Variants in PIBF1 observed in about 807,000 individuals in gnomAD.
PIBF1 encodes progesterone-induced-blocking factor 1.
A neutral mutation model predicts 112.5 loss-of-function variants in PIBF1; 90 were observed. The observed-to-expected ratio is 0.80, with a 90% CI of 0.67 to 0.95. The LOEUF (loss-of-function observed/expected upper bound fraction) is 0.95, where lower values mean the gene tolerates loss of function less well. Among genes scored for constraint, PIBF1 ranks in the 40% least tolerant of loss-of-function variants. The pLI is 0.00. For missense variants in PIBF1, 915 were observed against 852.3 expected (o/e 1.07, Z -0.92); for synonymous variants, 301 against 288.6 (o/e 1.04, Z -0.44).
chr13:72,833,126 T>C (rs1384727696), intron 8 of PIBF1, among the ~76,000 whole-genome samples: 1 of 152,204 alleles, frequency 6.6e-6, no homozygotes, highest in Non-Finnish European at 1.5e-5. Context: ...TCAGGTTATT[T>C]ATATTCTTCT....
In PIBF1 at chr13:72,947,418, G is replaced by C. The variant is rs147536031; in HGVS notation, c.1833+16151G>C. Among the ~76,000 whole-genome samples, 1,296 of 152,230 alleles carry C rather than the reference G, an allele frequency of 8.5e-3. 67 individuals carry two copies. Among genetic ancestry groups the C allele is most frequent in the East Asian group, 9.3e-3 (48 of 5,164 alleles). On this transcript the variant is annotated intron_variant, in intron 14 of 17. Transcript: ENST00000326291. ...AGGGCTCCAGGCCTGTGATTGGAGG[G>C]GCTGCTGTGAAGGTCTCTGACATAC...
At chr13:72,895,657 T>C (rs536225450) in intron 11 of PIBF1, among the ~76,000 whole-genome samples, 2 of 152,124 alleles carry the variant, frequency 1.3e-5, no homozygotes, top group East Asian at 3.9e-4. Context: ...GTGGGAAATC[T>C]CATGAGTTAG....
chr13:72,966,001 T>C (rs1212520053), intron 15 of PIBF1, among the ~76,000 whole-genome samples: 2 of 152,216 alleles, frequency 1.3e-5, no homozygotes, highest in South Asian at 2.1e-4. Context: ...AATGAAGATA[T>C]GTGTAAATGA....
intron 14 of PIBF1, among the ~76,000 whole-genome samples, chr13:72,960,070 T>TC (rs2042564119): frequency 6.6e-6 from 1 of 152,210 alleles, no homozygotes; most frequent in Non-Finnish European, 1.5e-5. Context: ...TGTACTTTTT[T>TC]CCTGACAAAT....
At chr13:72,903,602 TAATTA>T (rs2040582675) in intron 11 of PIBF1, among the ~76,000 whole-genome samples, 2 of 152,218 alleles carry the variant, frequency 1.3e-5, no homozygotes, top group Non-Finnish European at 2.9e-5. Flanking sequence ...TAGTTAATCT[TAATTA>T]AATTAAATCT....
At chr13:72,790,421 T>TCTCACA (rs148468398) in intron 2 of PIBF1, among the ~76,000 whole-genome samples, 143 of 135,638 alleles carry the variant, frequency 1.1e-3, no homozygotes, top group African/African-American at 3.9e-3. Flanking sequence ...GAGGAGTCCA[T>TCTCACA]CACACACACA....
chr13:72,864,393 T>A (rs2038835029), intron 10 of PIBF1, among the ~76,000 whole-genome samples: 1 of 152,222 alleles, frequency 6.6e-6, no homozygotes, highest in Admixed American at 6.5e-5. Flanking sequence ...CTTCCGATTA[T>A]TCATCAATAG....
chr13:72,844,787 A>G (rs1007727126), intron 9 of PIBF1, among the ~76,000 whole-genome samples: 10 of 125,712 alleles, frequency 8.0e-5, no homozygotes, highest in South Asian at 2.6e-4. Flanking sequence ...ACACACACAC[A>G]CACACACACA....
At chr13:72,946,242 C>A (rs1037572121) in intron 14 of PIBF1, among the ~76,000 whole-genome samples, 21 of 152,032 alleles carry the variant, frequency 1.4e-4, no homozygotes, top group Non-Finnish European at 2.9e-5. Context: ...AACTGCCAAG[C>A]AAAGGGGGAA....
chr13:72,861,701 G>T (rs1171521830), intron 10 of PIBF1, among the ~76,000 whole-genome samples: 2 of 152,126 alleles, frequency 1.3e-5, no homozygotes, highest in African/African-American at 4.8e-5. Flanking sequence ...GAGTCGCTGG[G>T]ACTACAGGTG....
intron 9 of PIBF1, among the ~76,000 whole-genome samples, chr13:72,838,620 A>T (rs2037461992): frequency 6.6e-6 from 1 of 152,162 alleles, no homozygotes; most frequent in African/African-American, 2.4e-5. Flanking sequence ...TTGGTGTTTA[A>T]CTTATTTGAA....
intron 10 of PIBF1, among the ~76,000 whole-genome samples, chr13:72,861,631 C>T (rs1056252463): frequency 3.3e-5 from 5 of 152,088 alleles, no homozygotes; most frequent in Admixed American, 2.6e-4. Context: ...GTGGCATGAT[C>T]TCGGCTCACT....
chr13:72,840,643 C>G (rs2037569093), intron 9 of PIBF1, among the ~76,000 whole-genome samples: 1 of 151,846 alleles, frequency 6.6e-6, no homozygotes, highest in Non-Finnish European at 1.5e-5. Flanking sequence ...CCTGTCTCAG[C>G]CTTCTGAGTA....
intron 14 of PIBF1, among the ~76,000 whole-genome samples, chr13:72,948,484 A>G (rs979493622): frequency 2.6e-5 from 4 of 152,090 alleles, no homozygotes; most frequent in Non-Finnish European, 5.9e-5. Context: ...GGAGGCTCCA[A>G]ATTTTCACAC....
Position 72,893,982 on chromosome 13 carries a change from A to G in PIBF1, c.1488+33A>G, listed in dbSNP as rs746446011. 37 of 1,254,024 alleles carry G rather than the reference A, an allele frequency of 3.0e-5. 2 individuals carry two copies. In the South Asian group the frequency reaches 4.4e-4, roughly 15 times the overall value. 77.7% of individuals were successfully genotyped at this position (1,254,024 alleles called of 1,614,324 possible). ...TACAAGCTTTTCTTTCAACATTAGC[A>G]TGGCATGTAAACTCCCTAAGTACAA... is the stretch of plus-strand genomic sequence containing the variant. On this transcript the variant is annotated intron_variant, in intron 11 of 17. Coordinates refer to ENST00000326291, the MANE Select transcript of PIBF1 (RefSeq NM_006346.4).
At chr13:72,843,523 T>G (rs2037702625) in intron 9 of PIBF1, among the ~76,000 whole-genome samples, 1 of 152,242 alleles carries the variant, frequency 6.6e-6, no homozygotes. Flanking sequence ...GTGATTATCC[T>G]GCCTCAGCCT....
chr13:72,991,383 T>C (rs965718366), intron 16 of PIBF1, among the ~76,000 whole-genome samples: 1 of 152,212 alleles, frequency 6.6e-6, no homozygotes, highest in Admixed American at 6.5e-5. Context: ...GTTTTTGTTA[T>C]TTAGTTTTTA....
chr13:72,873,886 C>T (rs1189728862), intron 10 of PIBF1, among the ~76,000 whole-genome samples: 1 of 152,114 alleles, frequency 6.6e-6, no homozygotes, highest in African/African-American at 2.4e-5. Flanking sequence ...ACTCTTGCAA[C>T]TTAAGAAGAC....
chr13:72,901,048 A>G, intron 11 of PIBF1: 1 of 442,102 alleles, frequency 2.3e-6, no homozygotes, highest in South Asian at 1.6e-5. Flanking sequence ...AAACAAACAA[A>G]CAAACAAAAG....
Sources: gnomAD v4.1 joint callset for allele counts (sites outside exome capture counted in the v4.1 genomes callset) on GRCh38, gnomAD v4.1.1 for gene constraint, MANE v1.5 for transcripts, NCBI Gene and HGNC (gene_info 2026-07-23, HGNC 2026-07-21) for gene names.